Variants in DPYD observed in about 807,000 individuals in gnomAD.
DPYD encodes dihydropyrimidine dehydrogenase [NADP(+)].
A neutral mutation model predicts 116.2 loss-of-function variants in DPYD; 109 were observed. The ratio of observed to expected loss-of-function variants is 0.94; its 90% CI spans 0.80 to 1.10. The LOEUF (loss-of-function observed/expected upper bound fraction) is 1.10. Among genes scored for constraint, DPYD ranks in the 50% least tolerant of loss-of-function variants. The pLI, the probability that DPYD is intolerant of heterozygous loss-of-function variation, is 0.00. For missense variants in DPYD, 1,302 were observed against 1,254.5 expected (o/e 1.04, Z -0.57); for synonymous variants, 440 against 432.0 (o/e 1.02, Z -0.23).
intron 3 of DPYD, among the ~76,000 whole-genome samples, chr1:97,826,075 T>A (rs1374348660): frequency 6.6e-6 from 1 of 152,172 alleles, no homozygotes; most frequent in South Asian, 2.1e-4. Flanking sequence ...AGCAAACAAG[T>A]ACATTTCATG....
intron 20 of DPYD, among the ~76,000 whole-genome samples, chr1:97,122,776 A>C (rs540138528): frequency 1.3e-5 from 2 of 152,264 alleles, no homozygotes; most frequent in East Asian, 3.9e-4. Flanking sequence ...CCTTCAGTTA[A>C]AAAAAGAAAC....
At chr1:97,564,240 T>C (rs994466451) in intron 11 of DPYD, among the ~76,000 whole-genome samples, 3 of 152,160 alleles carry the variant, frequency 2.0e-5, no homozygotes, top group African/African-American at 7.2e-5. Context: ...GAGAGTACCA[T>C]GGAATAAAAC....
chr1:97,906,442 A>T (rs1287127866), intron 1 of DPYD, among the ~76,000 whole-genome samples: 3 of 152,072 alleles, frequency 2.0e-5, no homozygotes, highest in Non-Finnish European at 2.9e-5. Flanking sequence ...TCAAAAGCAC[A>T]TTTAGAGGAG....
chr1:97,298,394 A>G (rs902604849), intron 18 of DPYD, among the ~76,000 whole-genome samples: 1 of 152,130 alleles, frequency 6.6e-6, no homozygotes, highest in African/African-American at 2.4e-5. Flanking sequence ...CCACTGATCT[A>G]CTGGAATCTC....
intron 18 of DPYD, among the ~76,000 whole-genome samples, chr1:97,244,169 A>G (rs1379764865): frequency 6.6e-6 from 1 of 152,022 alleles, no homozygotes; most frequent in Non-Finnish European, 1.5e-5. Flanking sequence ...TACACTTATT[A>G]AACAACTCAT....
At chr1:97,375,334 T>C (rs1395457393) in intron 15 of DPYD, among the ~76,000 whole-genome samples, 1 of 152,162 alleles carries the variant, frequency 6.6e-6, no homozygotes, top group Non-Finnish European at 1.5e-5. Flanking sequence ...TTTTTCCTGC[T>C]TTGTGAATTT....
At chr1:97,398,680 A>G (rs1036909666) in intron 14 of DPYD, among the ~76,000 whole-genome samples, 3 of 152,062 alleles carry the variant, frequency 2.0e-5, no homozygotes, top group African/African-American at 4.8e-5. Context: ...TTTGATTTGC[A>G]TTTCTCTGAT....
intron 3 of DPYD, among the ~76,000 whole-genome samples, chr1:97,751,460 G>GTGTATATA (rs763260651): frequency 0.027 from 568 of 21,228 alleles, 21 homozygotes; most frequent in East Asian, 0.079. Flanking sequence ...GTGTGTGTGT[G>GTGTATATA]TATATATATA....
intron 14 of DPYD, among the ~76,000 whole-genome samples, chr1:97,384,819 C>T (rs148960188): frequency 1.2e-3 from 175 of 151,986 alleles, no homozygotes; most frequent in African/African-American, 4.0e-3. Flanking sequence ...GGTTGAACAA[C>T]GTTCCGAAAT....
chr1:97,597,795 C>T (rs965671378), intron 8 of DPYD, among the ~76,000 whole-genome samples: 2 of 152,126 alleles, frequency 1.3e-5, no homozygotes, highest in African/African-American at 4.8e-5. Flanking sequence ...CCAGCTCCCA[C>T]AATTAAATAG....
intron 14 of DPYD, among the ~76,000 whole-genome samples, chr1:97,420,449 T>C (rs573528809): frequency 9.2e-5 from 14 of 152,224 alleles, no homozygotes; most frequent in African/African-American, 3.4e-4. Flanking sequence ...GCTAACTGGT[T>C]TTGTTGTCTC....
At chr1:97,226,480 G>A (rs75125753) in intron 19 of DPYD, among the ~76,000 whole-genome samples, 1,895 of 152,016 alleles carry the variant, frequency 0.012, 37 homozygotes, top group African/African-American at 0.039. Flanking sequence ...TAGGAAACTC[G>A]GAAGCCTCCA....
At chr1:97,143,719 A>G (rs977139252) in intron 20 of DPYD, among the ~76,000 whole-genome samples, 1 of 152,164 alleles carries the variant, frequency 6.6e-6, no homozygotes, top group Non-Finnish European at 1.5e-5. Flanking sequence ...TTAGCTATTT[A>G]TTACCTCACA....
At chr1:97,106,869 C>T (rs1371881456) in intron 20 of DPYD, among the ~76,000 whole-genome samples, 1 of 152,066 alleles carries the variant, frequency 6.6e-6, no homozygotes, top group African/African-American at 2.4e-5. Flanking sequence ...TAACCTATAA[C>T]CTGTTGGCTA....
chr1:97,725,410 T>C (rs1663195277), intron 4 of DPYD, among the ~76,000 whole-genome samples: 1 of 151,522 alleles, frequency 6.6e-6, no homozygotes, highest in Non-Finnish European at 1.5e-5. Flanking sequence ...ATACAATCTC[T>C]ACTAAAATCC....
At chr1:97,666,154 T>C (rs1409123038) in intron 8 of DPYD, among the ~76,000 whole-genome samples, 1 of 152,174 alleles carries the variant, frequency 6.6e-6, no homozygotes, top group African/African-American at 2.4e-5. Flanking sequence ...TTCTCATTTA[T>C]TCCTTCTGTG....
intron 1 of DPYD, among the ~76,000 whole-genome samples, chr1:97,887,469 T>TAAAAAA (rs57316508): frequency 1.4e-3 from 66 of 47,136 alleles, no homozygotes; most frequent in African/African-American, 3.2e-3. Context: ...GACTCTGCAT[T>TAAAAAA]AAAAAAAAAA....
chr1:97,235,863 C>A (rs77594823), intron 18 of DPYD, among the ~76,000 whole-genome samples: 1 of 152,084 alleles, frequency 6.6e-6, no homozygotes, highest in South Asian at 2.1e-4. Context: ...CAATTTTTCA[C>A]ATATTAGAAA....
intron 3 of DPYD, among the ~76,000 whole-genome samples, chr1:97,770,994 C>A (rs925036957): frequency 2.0e-5 from 3 of 152,030 alleles, no homozygotes; most frequent in Non-Finnish European, 2.9e-5. Flanking sequence ...TCAAAATGTA[C>A]GTTTTCTAGC....
Sources: gnomAD v4.1 joint callset for allele counts (sites outside exome capture counted in the v4.1 genomes callset) on GRCh38, gnomAD v4.1.1 for gene constraint, MANE v1.5 for transcripts, NCBI Gene and HGNC (gene_info 2026-07-23, HGNC 2026-07-21) for gene names.